The following SUFU variants were observed in gnomAD, a reference collection of about 807,000 sequenced individuals.
SUFU encodes suppressor of fused homolog.
Under a neutral mutation model 58.9 loss-of-function variants are expected in SUFU, and 7 were observed. The ratio of observed to expected loss-of-function variants is 0.12; its 90% CI spans 0.07 to 0.22. The LOEUF (loss-of-function observed/expected upper bound fraction) is 0.22, where lower values mean the gene tolerates loss of function less well. Among genes scored for constraint, SUFU ranks in the 10% least tolerant of loss-of-function variants. The pLI is 1.00. For synonymous variants in SUFU, 232 were observed against 254.8 expected (o/e 0.91, Z 0.85); for missense variants, 451 against 641.3 (o/e 0.70, Z 3.20).
chr10:102,504,350 C>A lies in SUFU; in HGVS notation c.182+16C>A, dbSNP rs2274351. ...TCAAGTACTGGTATGCTCTGGGCCG[C>A]GGGGAGACGGACAGGCGCGGGCTGG... On this transcript the variant is annotated intron_variant, in intron 1 of 11. Transcript: ENST00000369902. 6.2e-7 allele frequency: 1 copy of A among 1,613,006 alleles called. No individual in the cohort carries two copies. The highest frequency in any genetic ancestry group is 1.3e-5 in the African/African-American group (1 of 74,772).
chr10:102,519,878 TCTC>T (rs1395860281), intron 2 of SUFU, among the ~76,000 whole-genome samples: 1 of 151,930 alleles, frequency 6.6e-6, no homozygotes, highest in African/African-American at 2.4e-5. Context: ...TTCAAGCAAT[TCTC>T]CTGCCTCAGC....
chr10:102,568,145 A>G lies in SUFU; in HGVS notation c.454+18039A>G, dbSNP rs187610872. 3.3e-3 allele frequency among the ~76,000 whole-genome samples: 505 copies of G among 152,270 alleles called. 4 individuals carry two copies. The highest frequency in any genetic ancestry group is 0.012 in the African/African-American group (485 of 41,566). ...AAAAGGACATTAAAAAAATCCAGGC[A>G]ACACTGAAAACATAAAGAAACCTTG... On this transcript the variant is annotated intron_variant, in intron 3 of 11. Transcript: ENST00000369902.
intron 10 of SUFU, among the ~76,000 whole-genome samples, chr10:102,620,092 A>G (rs1224959436): frequency 3.9e-5 from 6 of 152,316 alleles, no homozygotes; most frequent in Admixed American, 6.5e-5. Context: ...GACCCAGGAC[A>G]TGACGAGACC....
intron 2 of SUFU, among the ~76,000 whole-genome samples, chr10:102,548,188 T>C (rs922162588): frequency 6.6e-6 from 1 of 152,102 alleles, no homozygotes; most frequent in Admixed American, 6.6e-5. Context: ...GATAGAGAGA[T>C]AGATAGATAG....
In SUFU at chr10:102,515,120, T is replaced by C. The variant is rs369519637; in HGVS notation, c.317+5817T>C. On this transcript the variant is annotated intron_variant, in intron 2 of 11. Coordinates refer to ENST00000369902, the MANE Select transcript of SUFU (RefSeq NM_016169.4). ...CTGGAACTGCCGCTGACCGGCTTTC[T>C]GGGGCTGCCTCCACCCGGTTGGTGG... is the stretch of plus-strand genomic sequence containing the variant. Among the ~76,000 whole-genome samples, 3 of 152,206 alleles carry C rather than the reference T, an allele frequency of 2.0e-5. No homozygotes were observed. The East Asian group carries it at 5.8e-4, about 29-fold the overall frequency.
chr10:102,630,391 T>G lies in SUFU; in HGVS notation c.*236T>G, dbSNP rs1194879225. On this transcript the variant is annotated 3_prime_UTR_variant, in exon 12 of 12. Coordinates refer to ENST00000369902, the MANE Select transcript of SUFU (RefSeq NM_016169.4). The stretch of plus-strand genomic sequence containing the variant: ...TAAGCCTTGTGACCCATCAGGCCAG[T>G]GAGTGGGCAAATGCGGACCCTCCCT... The G allele has an allele frequency of 1.7e-6, 1 of 572,896 alleles. No individual in the cohort carries two copies. Among genetic ancestry groups the G allele is most frequent in the East Asian group, 3.0e-5 (1 of 33,882 alleles). The allele number at this position is 572,896 out of a possible 1,614,324, so 35.5% of individuals were successfully genotyped here.
In SUFU at chr10:102,513,192, A is replaced by C. The variant is rs565860306; in HGVS notation, c.317+3889A>C. Among the ~76,000 whole-genome samples the C allele has an allele frequency of 4.6e-5, 7 of 152,290 alleles. No individual in the cohort carries two copies. The South Asian group carries it at 8.3e-4, about 18-fold the overall frequency. ...TTCTTGAAGAAAAATGTGATTTTCCACACATTTCGTAATGGTGGGGCCTCT... is the reference window on the plus strand; with the variant it reads ...TTCTTGAAGAAAAATGTGATTTTCCCCACATTTCGTAATGGTGGGGCCTCT... On this transcript the variant is annotated intron_variant, in intron 2 of 11. Coordinates refer to ENST00000369902, the MANE Select transcript of SUFU (RefSeq NM_016169.4).
chr10:102,616,173 C>T (rs763816283), intron 9 of SUFU, among the ~76,000 whole-genome samples: 11 of 152,222 alleles, frequency 7.2e-5, no homozygotes, highest in Non-Finnish European at 1.5e-4. Flanking sequence ...TGTGTCCCTT[C>T]TGCTTCTGTC....
Position 102,630,859 on chromosome 10 carries a change from C to T in SUFU, c.*704C>T, listed in dbSNP as rs942381041. The T allele has an allele frequency of 5.1e-5, 12 of 236,122 alleles. No individual in the cohort carries two copies. Among genetic ancestry groups the T allele is most frequent in the African/African-American group, 2.4e-4 (11 of 45,354 alleles). The allele number at this position is 236,122 out of a possible 1,614,324, so 14.6% of individuals were successfully genotyped here. A position where few individuals can be genotyped will look rare whatever the true frequency, so the allele number is the denominator to read the frequency against. On this transcript the variant is annotated 3_prime_UTR_variant, in exon 12 of 12. Transcript: ENST00000369902. ...TGCCAGCCCAGAGCCCTGGAGGAGC[C>T]GGCTGCACAGAGAGGCTTTTCTTCC...
At chr10:102,562,929 A>G (rs1406204854) in intron 3 of SUFU, among the ~76,000 whole-genome samples, 1 of 152,204 alleles carries the variant, frequency 6.6e-6, no homozygotes, top group Non-Finnish European at 1.5e-5. Context: ...CCAATATCAT[A>G]GGTACTTACC....
In SUFU at chr10:102,619,190, A is replaced by T; in HGVS notation, c.1296+1762A>T. ...CCTTGGCCCCCACAGGACTTCGCAG[A>T]TGTCACATTGCCCCTCAGTCCCCTG... On this transcript the variant is annotated intron_variant, in intron 10 of 11. Coordinates refer to ENST00000369902, the MANE Select transcript of SUFU (RefSeq NM_016169.4). This position sits in a 1 kb window ranked among gnomAD's most constrained non-coding sequence, Gnocchi z 4.2. 6.2e-7 allele frequency: 1 copy of T among 1,603,972 alleles called. No homozygotes were observed. The highest frequency in any genetic ancestry group is 8.5e-7 in the Non-Finnish European group (1 of 1,178,030).
At chr10:102,510,939 G>C (rs1475315961) in intron 2 of SUFU, among the ~76,000 whole-genome samples, 1 of 151,844 alleles carries the variant, frequency 6.6e-6, no homozygotes, top group Admixed American at 6.6e-5. Flanking sequence ...TGACCAACAT[G>C]GAGAAACCCT....
In SUFU at chr10:102,599,513, C is replaced by T. The variant is rs768170991; in HGVS notation, c.991C>T (p.Arg331Trp). ...KPVLPPINPQ[R>W]QNGLAHDRAP... ...TGTCCTTCCACCAATCAACCCTCAG[C>T]GGCAGAATGGCCTCGCCCACGACCG... Residue 331 changes from arginine (R) to tryptophan (W), a missense_variant, in exon 8 of 12, where the codon CGG becomes TGG. By Grantham distance (101) the Arg-to-Trp change is moderately radical. Transcript: ENST00000369902. 94 of 1,614,178 alleles carry T rather than the reference C, an allele frequency of 5.8e-5. No homozygotes were observed. Among genetic ancestry groups the T allele is most frequent in the Non-Finnish European group, 6.9e-5 (82 of 1,180,026 alleles).
At chr10:102,607,187 C>A (rs2063569881) in intron 8 of SUFU, among the ~76,000 whole-genome samples, 1 of 151,942 alleles carries the variant, frequency 6.6e-6, no homozygotes, top group Middle Eastern at 3.4e-3. Context: ...TATCTGGTAC[C>A]ACAGGCACAT....
chr10:102,563,118 C>T (rs917901456), intron 3 of SUFU, among the ~76,000 whole-genome samples: 3 of 152,202 alleles, frequency 2.0e-5, no homozygotes, highest in East Asian at 1.9e-4. Context: ...GCTCCAGCCT[C>T]TCAGCCGCCA....
intron 3 of SUFU, among the ~76,000 whole-genome samples, chr10:102,552,459 G>A (rs117971933): frequency 0.012 from 1,890 of 151,350 alleles, 15 homozygotes; most frequent in Middle Eastern, 0.021. Context: ...ACACACACAC[G>A]CACCCCAGTG....
chr10:102,569,995 A>G (rs555083599), intron 3 of SUFU, among the ~76,000 whole-genome samples: 73 of 152,346 alleles, frequency 4.8e-4, no homozygotes, highest in African/African-American at 1.8e-3. Context: ...GTCTTCCCAT[A>G]TGGAAAAGGG....
At chr10:102,567,360 G>A (rs944159695) in intron 3 of SUFU, among the ~76,000 whole-genome samples, 1 of 152,060 alleles carries the variant, frequency 6.6e-6, no homozygotes, top group African/African-American at 2.4e-5. Flanking sequence ...TTCTTACTCA[G>A]TTTCTTCATA....
intron 3 of SUFU, among the ~76,000 whole-genome samples, chr10:102,556,569 C>A (rs147087763): frequency 1.3e-5 from 2 of 151,786 alleles, no homozygotes; most frequent in African/African-American, 4.8e-5. Context: ...ATGGAGAAAC[C>A]GTGTCTCTAC....
Sources: gnomAD v4.1 joint callset for allele counts (sites outside exome capture counted in the v4.1 genomes callset) on GRCh38, gnomAD v4.1.1 for gene constraint, Gnocchi (gnomAD v3.1) non-coding constraint, MANE v1.5 for transcripts, NCBI Gene and HGNC (gene_info 2026-07-23, HGNC 2026-07-21) for gene names.